The following TSC22D2 variants were observed in gnomAD, a reference collection of about 807,000 sequenced individuals.
The protein encoded by TSC22D2 is TSC22 domain family protein 2.
A neutral mutation model predicts 50.1 loss-of-function variants in TSC22D2; 5 were observed. That is an observed-to-expected ratio of 0.10 (90% CI 0.05 to 0.21). The LOEUF is 0.21. TSC22D2 is among the 10% of genes least tolerant of loss of function. TSC22D2 has a pLI of 1.00. For synonymous variants in TSC22D2, 501 were observed against 450.1 expected, an observed-to-expected ratio of 1.11 and a Z score of -1.43; for missense variants, 1,003 against 1,015.5, an observed-to-expected ratio of 0.99 and a Z score of 0.17.
chr3:150,427,196 A>AT (rs1174514401), intron 1 of TSC22D2, among the ~76,000 whole-genome samples: 1 of 152,062 alleles, frequency 6.6e-6, no homozygotes, highest in Non-Finnish European at 1.5e-5. Context: ...GACTTGTAAA[A>AT]TTTTTTTATT....
chr3:150,436,771 G>T lies in TSC22D2; in HGVS notation c.1959-20305G>T, dbSNP rs1442887690. Among the ~76,000 whole-genome samples, 4 of 152,262 alleles carry T rather than the reference G, an allele frequency of 2.6e-5. No individual in the cohort carries two copies. The South Asian group carries it at 8.3e-4, about 32-fold the overall frequency. On this transcript the variant is annotated intron_variant, in intron 1 of 2. Coordinates refer to ENST00000688009, the MANE Select transcript of TSC22D2 (RefSeq NM_001303264.2). Reference sequence around the variant, plus strand: ...CAAATGTGTTGTGAGATTACATTTGGAAAGATTATATTGGAAAAATTCTAA... The same window carrying T: ...CAAATGTGTTGTGAGATTACATTTGTAAAGATTATATTGGAAAAATTCTAA...
At position 150,458,529 on chromosome 3, in the gene TSC22D2, C is replaced by A. The variant is rs149526922; in HGVS notation, c.2164C>A (p.Pro722Thr). 172 of 1,614,108 alleles carry A rather than the reference C, an allele frequency of 1.1e-4. No homozygotes were observed. In the African/African-American group the frequency reaches 1.7e-3, roughly 16 times the overall value. The change falls in exon 3 of 3, where the codon CCA becomes ACA. Residue 722 changes from proline (P) to threonine (T), a missense_variant. Pro to Thr is a conservative substitution (Grantham distance 38, BLOSUM62 -1). Transcript: ENST00000688009. ...AAGCAATGATCAATTATCCCAACTCCCAACCCAACAGGCCAATCCTGGTAG... is the reference window on the plus strand; with the variant it reads ...AAGCAATGATCAATTATCCCAACTCACAACCCAACAGGCCAATCCTGGTAG... The part of the protein sequence containing the change: ...LSSNDQLSQL[P>T]TQQANPGSTS...
intron 1 of TSC22D2, among the ~76,000 whole-genome samples, chr3:150,453,282 A>G (rs1686899393): frequency 6.6e-6 from 1 of 152,258 alleles, no homozygotes; most frequent in Admixed American, 6.5e-5. Flanking sequence ...AGGTGAAGGA[A>G]GGAAATTATT....
At chr3:150,436,660 T>C (rs1035147574) in intron 1 of TSC22D2, among the ~76,000 whole-genome samples, 9 of 152,234 alleles carry the variant, frequency 5.9e-5, no homozygotes, top group African/African-American at 1.9e-4. Context: ...CTCATAAATA[T>C]GGATTTTTGC....
chr3:150,457,188 T>C (rs1721217396), intron 2 of TSC22D2, 61 bp downstream of exon 2: 5 of 1,453,694 alleles, frequency 3.4e-6, no homozygotes, highest in Non-Finnish European at 3.8e-6. Context: ...AACACTTAGC[T>C]TTTGTCAGTT....
chr3:150,419,855 G>A (rs546972321), intron 1 of TSC22D2, among the ~76,000 whole-genome samples: 1 of 152,272 alleles, frequency 6.6e-6, no homozygotes, highest in East Asian at 1.9e-4. Context: ...GGTGGCTGAA[G>A]TACAGTGTAA....
In TSC22D2 at chr3:150,409,256, G is replaced by A; in HGVS notation, c.-95G>A. ...GGCCTCAGACCCCAGCGCAGACTCG[G>A]ACTTTGTCTTTGGGGGCCCGTGCTC... On this transcript the variant is annotated 5_prime_UTR_variant, in exon 1 of 3. Coordinates refer to ENST00000688009, the MANE Select transcript of TSC22D2 (RefSeq NM_001303264.2). The surrounding 1 kb of genome is among the most constrained non-coding windows in gnomAD (Gnocchi z 7.4). 7.0e-7 allele frequency: 1 copy of A among 1,430,564 alleles called. No homozygotes were observed. The highest frequency in any genetic ancestry group is 9.3e-7 in the Non-Finnish European group (1 of 1,071,638). 88.6% of individuals were successfully genotyped at this position (1,430,564 alleles called of 1,614,324 possible). A position where few individuals can be genotyped will look rare whatever the true frequency, so the allele number is the denominator to read the frequency against.
rs549392579 is a variant in TSC22D2 at position 150,453,720 on chromosome 3, A to G, written c.1959-3356A>G. ...ATTTATCTGAACTCAAAAAATTTTAATGCCTTCCTCATATGAACCATTAAT... is the reference window on the plus strand; with the variant it reads ...ATTTATCTGAACTCAAAAAATTTTAGTGCCTTCCTCATATGAACCATTAAT... On this transcript the variant is annotated intron_variant, in intron 1 of 2. Transcript: ENST00000688009. Among the ~76,000 whole-genome samples, 10 of 152,320 alleles carry G rather than the reference A, an allele frequency of 6.6e-5. No individual in the cohort carries two copies. The South Asian group carries it at 2.1e-3, about 32-fold the overall frequency.
chr3:150,465,362 C>T lies in TSC22D2; in HGVS notation c.*6726C>T, dbSNP rs1721519037. 6.6e-6 allele frequency: 1 copy of T among 152,136 alleles called. No individual in the cohort carries two copies. Among genetic ancestry groups the T allele is most frequent in the Non-Finnish European group, 1.5e-5 (1 of 67,996 alleles). The allele number at this position is 152,136 out of a possible 1,614,324, so 9.4% of individuals were successfully genotyped here. On this transcript the variant is annotated 3_prime_UTR_variant, in exon 3 of 3. Transcript: ENST00000688009. ...AATAAGGGAAGTGCACATTAAAACACAAGAAACCATCTCAGATCCAACTAA... is the reference window on the plus strand; with the variant it reads ...AATAAGGGAAGTGCACATTAAAACATAAGAAACCATCTCAGATCCAACTAA...
chr3:150,412,982 C>T (rs1042425644), intron 1 of TSC22D2, among the ~76,000 whole-genome samples: 4 of 152,058 alleles, frequency 2.6e-5, no homozygotes, highest in Non-Finnish European at 4.4e-5. Flanking sequence ...GTTTCCTGAG[C>T]TACCCCGCTT....
chr3:150,454,948 G>A (rs1459492496), intron 1 of TSC22D2, among the ~76,000 whole-genome samples: 1 of 151,378 alleles, frequency 6.6e-6, no homozygotes, highest in African/African-American at 2.4e-5. Flanking sequence ...TCTAAAACTC[G>A]CTGACTGATT....
At chr3:150,455,875 A>G (rs1721171115) in intron 1 of TSC22D2, among the ~76,000 whole-genome samples, 1 of 147,576 alleles carries the variant, frequency 6.8e-6, no homozygotes, top group African/African-American at 2.5e-5. Context: ...ATTTTTAAAA[A>G]CCTAATAACT....
chr3:150,422,790 C>G (rs930716887), intron 1 of TSC22D2, among the ~76,000 whole-genome samples: 1 of 152,202 alleles, frequency 6.6e-6, no homozygotes, highest in Non-Finnish European at 1.5e-5. Context: ...TTGGATGCTA[C>G]TTAGTATTTA....
chr3:150,436,229 C>T (rs1401192657), intron 1 of TSC22D2, among the ~76,000 whole-genome samples: 1 of 152,026 alleles, frequency 6.6e-6, no homozygotes, highest in African/African-American at 2.4e-5. Context: ...TGTATACACC[C>T]TTAAAATTTT....
rs1480942262 is a variant in TSC22D2, at chr3:150,461,613, ATAG to A, written c.*2981_*2983del. 1.3e-5 allele frequency: 2 copies of A among 152,252 alleles called. No individual in the cohort carries two copies. The highest frequency in any genetic ancestry group is 1.9e-4 in the East Asian group (1 of 5,208). The allele number at this position is 152,252 out of a possible 1,614,324, so 9.4% of individuals were successfully genotyped here. A position where few individuals can be genotyped will look rare whatever the true frequency, so the allele number is the denominator to read the frequency against. Reference sequence around the variant, plus strand: ...TCACAGCTTGCCACACCAAAAACAAATAGTAGGGGTTAGGAGGCATTAAATAAA... The same window carrying A: ...TCACAGCTTGCCACACCAAAAACAAATAGGGGTTAGGAGGCATTAAATAAA... On this transcript the variant is annotated 3_prime_UTR_variant, in exon 3 of 3. Coordinates refer to ENST00000688009, the MANE Select transcript of TSC22D2 (RefSeq NM_001303264.2).
intron 1 of TSC22D2, among the ~76,000 whole-genome samples, chr3:150,423,619 T>C (rs1441655083): frequency 6.6e-6 from 1 of 152,208 alleles, no homozygotes. Flanking sequence ...ATTCACTAGG[T>C]CTGCATTACT....
At chr3:150,427,996 C>G (rs556131529) in intron 1 of TSC22D2, among the ~76,000 whole-genome samples, 1 of 152,236 alleles carries the variant, frequency 6.6e-6, no homozygotes, top group Non-Finnish European at 1.5e-5. Context: ...ATACTATTAA[C>G]TAAACTACAG....
In TSC22D2 at chr3:150,409,218, C is replaced by A; in HGVS notation, c.-133C>A. The A allele has an allele frequency of 9.4e-6, 10 of 1,058,448 alleles. No individual in the cohort carries two copies. The highest frequency in any genetic ancestry group is 1.2e-5 in the Non-Finnish European group (9 of 756,820). The allele number at this position is 1,058,448 out of a possible 1,614,324, so 65.6% of individuals were successfully genotyped here. ...CCAGCGCCTGGATCAGCCCGTGACT[C>A]TTAACAGCGGCGGGCCTCAGACCCC... On this transcript the variant is annotated 5_prime_UTR_variant, in exon 1 of 3. Coordinates refer to ENST00000688009, the MANE Select transcript of TSC22D2 (RefSeq NM_001303264.2). The surrounding 1 kb of genome is among the most constrained non-coding windows in gnomAD (Gnocchi z 7.4).
At position 150,410,982 on chromosome 3, in the gene TSC22D2, T is replaced by A. The variant is rs1488638715; in HGVS notation, c.1632T>A (p.His544Gln). Reference protein sequence around the residue: ...PLAQSQQLSSHTPVSRSSSII... With the variant: ...PLAQSQQLSSQTPVSRSSSII... Reference sequence around the variant, plus strand: ...CCCAGTCGCAACAGCTGAGCAGCCATACGCCAGTCAGCAGGAGCAGCAGCA... The same window carrying A: ...CCCAGTCGCAACAGCTGAGCAGCCAAACGCCAGTCAGCAGGAGCAGCAGCA... Residue 544 changes from histidine to glutamine, a missense_variant, in exon 1 of 3, where the codon CAT (histidine) becomes CAA (glutamine). Physicochemically the swap from His to Gln is conservative, Grantham distance 24 (BLOSUM62 0). Transcript: ENST00000688009. 3.1e-6 allele frequency: 5 copies of A among 1,614,060 alleles called. No homozygotes were observed. In the Admixed American group the frequency reaches 8.3e-5, roughly 27 times the overall value.
Sources: gnomAD v4.1 joint callset for allele counts (sites outside exome capture counted in the v4.1 genomes callset) on GRCh38, gnomAD v4.1.1 for gene constraint, Gnocchi (gnomAD v3.1) non-coding constraint, MANE v1.5 for transcripts, NCBI Gene and HGNC (gene_info 2026-07-23, HGNC 2026-07-21) for gene names.